LDLRAD4: variants seen among roughly 807,000 people sequenced by gnomAD.
LDLRAD4 encodes low density lipoprotein receptor class A domain containing 4, also known as low-density lipoprotein receptor class A domain-containing protein 4.
A neutral mutation model predicts 17.0 loss-of-function variants in LDLRAD4; 5 were observed. That is an observed-to-expected ratio of 0.29 (90% CI 0.15 to 0.62). The LOEUF (loss-of-function observed/expected upper bound fraction) is 0.62. Among genes scored for constraint, LDLRAD4 ranks in the 20% least tolerant of loss-of-function variants. The pLI is 0.84. For synonymous variants in LDLRAD4, 168 were observed against 171.8 expected, an observed-to-expected ratio of 0.98 and a Z score of 0.17; for missense variants, 340 against 424.7, an observed-to-expected ratio of 0.80 and a Z score of 1.75.
chr18:13,651,183 A>G (rs2043231177), exon 6 of LDLRAD4: 2 of 152,242 alleles, frequency 1.3e-5, no homozygotes, highest in African/African-American at 4.8e-5. Context: ...TTGTTGTTGC[A>G]GAAACTGTGT....
intron 3 of LDLRAD4, among the ~76,000 whole-genome samples, chr18:13,504,835 C>T (rs2093665606): frequency 6.6e-6 from 1 of 152,228 alleles, no homozygotes; most frequent in Non-Finnish European, 1.5e-5. Flanking sequence ...TTCCCACAGA[C>T]ATGCCCCACT....
intron 3 of LDLRAD4, among the ~76,000 whole-genome samples, chr18:13,554,498 G>A (rs2094464808): frequency 6.6e-6 from 1 of 152,044 alleles, no homozygotes; most frequent in Non-Finnish European, 1.5e-5. Flanking sequence ...CAGGTCTCAT[G>A]TGTAAGGGTT....
chr18:13,368,356 A>C (rs2084221681), intron 1 of LDLRAD4, among the ~76,000 whole-genome samples: 1 of 152,118 alleles, frequency 6.6e-6, no homozygotes, highest in Non-Finnish European at 1.5e-5. Context: ...TCTGAAGAGC[A>C]GGCGTGGGCT....
In LDLRAD4 at chr18:13,637,764, G is replaced by A. The variant is rs554819394; in HGVS notation, c.337-5595G>A. On this transcript the variant is annotated intron_variant, in intron 4 of 5. Coordinates refer to ENST00000359446, the Ensembl canonical transcript of LDLRAD4. ...GCCTGTAGTCCCAGCTACTCAGGAG[G>A]CTGAGGCAGGAGAATCGCTTGAACC... Among the ~76,000 whole-genome samples the A allele has an allele frequency of 2.0e-5, 3 of 151,328 alleles. No individual in the cohort carries two copies. In the South Asian group the frequency reaches 6.3e-4, roughly 32 times the overall value.
At chr18:13,415,446 T>G (rs1206208913) in intron 2 of LDLRAD4, among the ~76,000 whole-genome samples, 2 of 152,048 alleles carry the variant, frequency 1.3e-5, no homozygotes, top group Admixed American at 6.5e-5. Context: ...GTGGCAGCCC[T>G]GAGGCCAAGG....
chr18:13,592,385 C>G (rs2095040776), intron 3 of LDLRAD4, among the ~76,000 whole-genome samples: 1 of 152,194 alleles, frequency 6.6e-6, no homozygotes, highest in Non-Finnish European at 1.5e-5. Context: ...TTGCAGTCTG[C>G]TAAGTCGACT....
At chr18:13,288,249 A>G (rs1035299821) in intron 1 of LDLRAD4, among the ~76,000 whole-genome samples, 4 of 152,258 alleles carry the variant, frequency 2.6e-5, no homozygotes, top group Admixed American at 6.5e-5. Context: ...TCCCAACCTC[A>G]ACTTCAGGTG....
intron 1 of LDLRAD4, among the ~76,000 whole-genome samples, chr18:13,371,617 T>C (rs558196282): frequency 1.3e-5 from 2 of 151,940 alleles, no homozygotes; most frequent in East Asian, 3.9e-4. Context: ...ACAAAAAAAT[T>C]AGCCGGGCAT....
intron 4 of LDLRAD4, among the ~76,000 whole-genome samples, chr18:13,636,194 T>C (rs2042065607): frequency 6.6e-6 from 1 of 152,076 alleles, no homozygotes; most frequent in Non-Finnish European, 1.5e-5. Flanking sequence ...CCTCAGGGGA[T>C]TGGTTCTAGG....
At chr18:13,614,311 T>G (rs908311950) in intron 3 of LDLRAD4, 1 of 149,074 alleles carries the variant, frequency 6.7e-6, no homozygotes, top group Non-Finnish European at 1.5e-5. Flanking sequence ...TGCAACAGGG[T>G]TCAGAGCTGC....
intron 3 of LDLRAD4, among the ~76,000 whole-genome samples, chr18:13,457,315 T>TG (rs1291097804): frequency 6.6e-6 from 1 of 152,214 alleles, no homozygotes; most frequent in African/African-American, 2.4e-5. Flanking sequence ...AAGGGCTGCG[T>TG]GGGGCAGGGC....
At chr18:13,220,913 A>AG (rs2041416454) in intron 1 of LDLRAD4, among the ~76,000 whole-genome samples, 1 of 152,214 alleles carries the variant, frequency 6.6e-6, no homozygotes, top group South Asian at 2.1e-4. Flanking sequence ...TAGCCAGCAT[A>AG]AAGTCTCCTT....
intron 1 of LDLRAD4, among the ~76,000 whole-genome samples, chr18:13,252,462 G>T (rs2145838091): frequency 6.6e-6 from 1 of 152,350 alleles, no homozygotes; most frequent in African/African-American, 2.4e-5. Context: ...ACTTGGCCAG[G>T]TGTACCGCTA....
chr18:13,239,968 C>G (rs2042545625), intron 1 of LDLRAD4: 1 of 152,304 alleles, frequency 6.6e-6, no homozygotes, highest in African/African-American at 2.4e-5. Flanking sequence ...TGGCAGCATG[C>G]TGGCCCGTGC....
At chr18:13,497,907 C>T (rs544816120) in intron 3 of LDLRAD4, among the ~76,000 whole-genome samples, 1 of 151,904 alleles carries the variant, frequency 6.6e-6, no homozygotes, top group South Asian at 2.1e-4. Flanking sequence ...CTGGAGAATC[C>T]TTCTGCCCAC....
intron 3 of LDLRAD4, among the ~76,000 whole-genome samples, chr18:13,540,178 T>A (rs536103191): frequency 6.6e-6 from 1 of 152,244 alleles, no homozygotes; most frequent in African/African-American, 2.4e-5. Context: ...TCCCAATTTA[T>A]CTGTGTTTGT....
At chr18:13,286,668 A>C (rs1279322769) in intron 1 of LDLRAD4, among the ~76,000 whole-genome samples, 1 of 152,220 alleles carries the variant, frequency 6.6e-6, no homozygotes, top group Non-Finnish European at 1.5e-5. Flanking sequence ...TGCACTTTTC[A>C]GAGGAGACAG....
At position 13,359,419 on chromosome 18, in the gene LDLRAD4, A is replaced by C. The variant is rs150056009; in HGVS notation, c.-382-27922A>C. Among the ~76,000 whole-genome samples, 54 of 152,230 alleles carry C rather than the reference A, an allele frequency of 3.5e-4. No individual in the cohort carries two copies. In the East Asian group the frequency reaches 8.7e-3, roughly 24 times the overall value. On this transcript the variant is annotated intron_variant, in intron 1 of 5. Coordinates refer to ENST00000359446, the Ensembl canonical transcript of LDLRAD4. ...AAGTGAAACCTCAAGCCGTGGTCAG[A>C]AGGTGGTTTCTAACAGCAGGACTTG...
chr18:13,482,364 G>A (rs1167331437), intron 3 of LDLRAD4, among the ~76,000 whole-genome samples: 1 of 152,240 alleles, frequency 6.6e-6, no homozygotes, highest in East Asian at 1.9e-4. Context: ...ACCACGCCAT[G>A]TGCTTATTCT....
Sources: allele counts gnomAD v4.1 joint callset (sites outside exome capture counted in the v4.1 genomes callset), GRCh38; gene constraint gnomAD v4.1.1; transcripts MANE v1.5; gene names NCBI Gene and HGNC (gene_info 2026-07-23, HGNC 2026-07-21).